TMEM132C: variants seen among roughly 807,000 people sequenced by gnomAD.
TMEM132C encodes the protein transmembrane protein 132C.
TMEM132C carries 29 observed loss-of-function variants against 61.4 expected under a neutral mutation model. The observed-to-expected ratio is 0.47, with a 90% CI of 0.35 to 0.64. TMEM132C has a LOEUF of 0.64. TMEM132C is among the 30% of genes least tolerant of loss of function. TMEM132C has a pLI of 0.00. For synonymous variants in TMEM132C, 656 were observed against 633.1 expected, an observed-to-expected ratio of 1.04 and a Z score of -0.54; for missense variants, 1,408 against 1,476.9, an observed-to-expected ratio of 0.95 and a Z score of 0.76.
At chr12:128,599,480 C>T (rs571756603) in intron 3 of TMEM132C, among the ~76,000 whole-genome samples, 22 of 152,312 alleles carry the variant, frequency 1.4e-4, no homozygotes, top group South Asian at 1.2e-3. Context: ...CCGGAGGAGA[C>T]GGTTGCCTTG....
intron 1 of TMEM132C, among the ~76,000 whole-genome samples, chr12:128,321,999 A>G (rs1174333315): frequency 2.0e-5 from 3 of 152,250 alleles, no homozygotes; most frequent in Admixed American, 2.0e-4. Flanking sequence ...CAGAATGACC[A>G]TAGTGATATT....
At chr12:128,657,260 A>G (rs1014606120) in intron 4 of TMEM132C, among the ~76,000 whole-genome samples, 2 of 152,182 alleles carry the variant, frequency 1.3e-5, no homozygotes, top group Non-Finnish European at 2.9e-5. Context: ...ATACATACAG[A>G]ACTGGTTTCC....
chr12:128,412,736 C>A (rs1868603921), intron 1 of TMEM132C, among the ~76,000 whole-genome samples: 1 of 152,078 alleles, frequency 6.6e-6, no homozygotes, highest in Non-Finnish European at 1.5e-5. Context: ...TTTAAATTAC[C>A]CAGTCTGGGG....
chr12:128,680,711 A>G (rs1053979947), intron 5 of TMEM132C, among the ~76,000 whole-genome samples: 2 of 152,220 alleles, frequency 1.3e-5, no homozygotes, highest in Non-Finnish European at 2.9e-5. Flanking sequence ...AGGTTGATGG[A>G]TAAACCTTTT....
intron 3 of TMEM132C, among the ~76,000 whole-genome samples, chr12:128,597,865 A>G (rs1389946530): frequency 6.6e-6 from 1 of 152,152 alleles, no homozygotes; most frequent in Non-Finnish European, 1.5e-5. Context: ...ATAGGGAGCA[A>G]ACATGCAGAG....
chr12:128,478,880 G>A (rs1172795595), intron 2 of TMEM132C, among the ~76,000 whole-genome samples: 1 of 152,190 alleles, frequency 6.6e-6, no homozygotes, highest in Non-Finnish European at 1.5e-5. Context: ...AAGGATGTAT[G>A]GTACTGTTCT....
In TMEM132C at chr12:128,575,263, G is replaced by A. The variant is rs113622060; in HGVS notation, c.1121+31160G>A. Among the ~76,000 whole-genome samples the A allele has an allele frequency of 7.5e-3, 1,149 of 152,292 alleles. 8 individuals are homozygous for A. Among genetic ancestry groups the A allele is most frequent in the East Asian group, 0.022 (113 of 5,166 alleles). ...GGGGGGGCCAAGGCAGGCGGATCAC[G>A]AGGTCAAGAGATCGAGTCCATCCTG... On this transcript the variant is annotated intron_variant, in intron 3 of 8. Transcript: ENST00000435159.
chr12:128,267,396 A>G lies in TMEM132C; in HGVS notation c.-7A>G. 7 of 1,169,788 alleles carry G rather than the reference A, an allele frequency of 6.0e-6. No individual in the cohort carries two copies. The highest frequency in any genetic ancestry group is 7.4e-6 in the Non-Finnish European group (7 of 949,860). The allele number at this position is 1,169,788 out of a possible 1,614,324, so 72.5% of individuals were successfully genotyped here. On this transcript the variant is annotated 5_prime_UTR_variant, in exon 1 of 9. Coordinates refer to ENST00000435159, the MANE Select transcript of TMEM132C (RefSeq NM_001136103.3). ...GCGGCGGGCTGCGTGAGCGGCCGGG[A>G]CGCAGGATGCGCTCCGAGGGTGCGG...
intron 4 of TMEM132C, among the ~76,000 whole-genome samples, chr12:128,664,290 AC>A (rs1566007659): frequency 7.0e-6 from 1 of 143,268 alleles, no homozygotes; most frequent in East Asian, 2.0e-4. Flanking sequence ...AATATAGTTC[AC>A]CTAGAAAATG....
chr12:128,432,458 T>G (rs1869425285), intron 2 of TMEM132C, among the ~76,000 whole-genome samples: 1 of 152,184 alleles, frequency 6.6e-6, no homozygotes, highest in Admixed American at 6.5e-5. Context: ...ATATCAATAT[T>G]AACAGGGTTT....
intron 3 of TMEM132C, among the ~76,000 whole-genome samples, chr12:128,585,234 T>C (rs1322040377): frequency 6.6e-6 from 1 of 152,276 alleles, no homozygotes; most frequent in African/African-American, 2.4e-5. Context: ...TGTAATCTAA[T>C]GCCATCTCTG....
At chr12:128,587,587 A>G (rs186028646) in intron 3 of TMEM132C, among the ~76,000 whole-genome samples, 4 of 152,336 alleles carry the variant, frequency 2.6e-5, no homozygotes. Context: ...CATGTACACA[A>G]TGGCATTAAG....
chr12:128,611,685 TGA>T (rs1208706522), intron 3 of TMEM132C, among the ~76,000 whole-genome samples: 2 of 152,196 alleles, frequency 1.3e-5, no homozygotes, highest in Non-Finnish European at 2.9e-5. Context: ...GGCAGGAAAC[TGA>T]GAGTCAGCAG....
chr12:128,598,035 G>A (rs1054211425), intron 3 of TMEM132C, among the ~76,000 whole-genome samples: 13 of 152,320 alleles, frequency 8.5e-5, no homozygotes, highest in African/African-American at 2.6e-4. Flanking sequence ...CCCAGAGCAC[G>A]TCCTCCTAAC....
intron 2 of TMEM132C, among the ~76,000 whole-genome samples, chr12:128,501,232 C>T (rs1379479091): frequency 6.6e-6 from 1 of 152,178 alleles, no homozygotes; most frequent in Admixed American, 6.5e-5. Flanking sequence ...AAGACTGATG[C>T]AGCCATTCTT....
intron 1 of TMEM132C, among the ~76,000 whole-genome samples, chr12:128,398,203 G>T (rs531930676): frequency 6.6e-6 from 1 of 152,376 alleles, no homozygotes; most frequent in East Asian, 1.9e-4. Flanking sequence ...TTCAGGCACT[G>T]CTGGATTCAG....
chr12:128,334,400 G>A (rs532772510), intron 1 of TMEM132C, among the ~76,000 whole-genome samples: 157 of 152,260 alleles, frequency 1.0e-3, no homozygotes, highest in African/African-American at 3.7e-3. Context: ...CTCAGTGCCA[G>A]TGTCTCCCTA....
intron 3 of TMEM132C, among the ~76,000 whole-genome samples, chr12:128,547,580 A>AG (rs1352811777): frequency 2.6e-5 from 4 of 151,754 alleles, no homozygotes; most frequent in East Asian, 1.9e-4. Flanking sequence ...AAAAAAAAAA[A>AG]AAAGAAATAT....
chr12:128,574,410 G>A (rs1875017632), intron 3 of TMEM132C, among the ~76,000 whole-genome samples: 3 of 152,208 alleles, frequency 2.0e-5, no homozygotes. Context: ...CTACCATAGA[G>A]AAACCGTTAT....
Sources: gnomAD v4.1 joint callset for allele counts (sites outside exome capture counted in the v4.1 genomes callset) on GRCh38, gnomAD v4.1.1 for gene constraint, MANE v1.5 for transcripts, NCBI Gene and HGNC (gene_info 2026-07-23, HGNC 2026-07-21) for gene names.